Variants in CLCC1 observed in about 807,000 individuals in gnomAD.
CLCC1 encodes the protein chloride channel CLIC like 1, also known as chloride channel CLIC-like protein 1.
In CLCC1, 39 loss-of-function variants were observed where a neutral mutation model predicts 63.3. That is an observed-to-expected ratio of 0.62 (90% CI 0.48 to 0.81). The LOEUF (loss-of-function observed/expected upper bound fraction) is 0.81. Ranked by LOEUF, CLCC1 falls within the 30% of genes least tolerant of loss-of-function variation. CLCC1 has a pLI of 0.00. For synonymous variants in CLCC1, 217 were observed against 239.8 expected, an observed-to-expected ratio of 0.90 and a Z score of 0.88; for missense variants, 549 against 669.4, an observed-to-expected ratio of 0.82 and a Z score of 1.98.
In CLCC1 at chr1:108,931,359, A is replaced by C. The variant is rs1651931194; in HGVS notation, c.*1188T>G. 1.3e-6 allele frequency: 2 copies of C among 1,550,602 alleles called. No individual in the cohort carries two copies. Among genetic ancestry groups the C allele is most frequent in the African/African-American group, 1.4e-5 (1 of 72,768 alleles). On this transcript the variant is annotated 3_prime_UTR_variant, in exon 13 of 13. Transcript: ENST00000369969. The stretch of plus-strand genomic sequence containing the variant: ...GGGATGATAACAAAGTAACTAACTA[A>C]CTGTAGCAAAAGACAAGTATGGGAC...
chr1:108,950,173 T>C (rs945003665), intron 3 of CLCC1, 136 bp downstream of exon 3: 6 of 905,500 alleles, frequency 6.6e-6, no homozygotes, highest in African/African-American at 5.2e-5. Flanking sequence ...AGATTAACAG[T>C]GTCAAGAAAA....
chr1:108,958,064 C>T (rs569049496), intron 2 of CLCC1, among the ~76,000 whole-genome samples: 9 of 151,288 alleles, frequency 5.9e-5, no homozygotes, highest in South Asian at 4.1e-4. Context: ...TGTTGAATGC[C>T]GCTAAGAGGT....
At chr1:108,947,007 T>C (rs962040886) in intron 5 of CLCC1, among the ~76,000 whole-genome samples, 1 of 151,796 alleles carries the variant, frequency 6.6e-6, no homozygotes, top group Non-Finnish European at 1.5e-5. Context: ...CTACTAAAAA[T>C]ACAAAAATTA....
At chr1:108,955,742 T>A (rs1655802197) in intron 2 of CLCC1, among the ~76,000 whole-genome samples, 1 of 151,326 alleles carries the variant, frequency 6.6e-6, no homozygotes, top group South Asian at 2.1e-4. Flanking sequence ...GAAAAGGAAT[T>A]TCTTTTCTCT....
In CLCC1 at chr1:108,958,653, C is replaced by T. The variant is rs915372587; in HGVS notation, c.-12+3656G>A. Among the ~76,000 whole-genome samples the T allele has an allele frequency of 3.3e-4, 47 of 144,328 alleles. 1 individual carries two copies. Among genetic ancestry groups the T allele is most frequent in the Non-Finnish European group, 5.9e-4 (39 of 66,310 alleles). The allele number at this position is 144,328 out of a possible 152,430, so 94.7% of individuals were successfully genotyped here. On this transcript the variant is annotated intron_variant, in intron 2 of 12. Transcript: ENST00000369969. ...CCAGCACTTTGGGAGGCCCAGCAGG[C>T]GGATCACTTGAGCCCAGGAGTTCAA... is the stretch of plus-strand genomic sequence containing the variant.
At chr1:108,957,736 T>A (rs977588677) in intron 2 of CLCC1, among the ~76,000 whole-genome samples, 3 of 151,416 alleles carry the variant, frequency 2.0e-5, no homozygotes, top group Admixed American at 2.0e-4. Flanking sequence ...TTTGTTTGGA[T>A]ATAGTAAATC....
Position 108,934,636 on chromosome 1 carries a change from G to A in CLCC1, c.*34C>T. 1 of 1,597,940 alleles carries A rather than the reference G, an allele frequency of 6.3e-7. No homozygotes were observed. The highest frequency in any genetic ancestry group is 8.5e-7 in the Non-Finnish European group (1 of 1,170,922). Reference sequence around the variant, plus strand: ...AGAGTATACTTTACAAAGCTCGAAGGAGACTTGAGGCTGTCGTTTGTGCTG... The same window carrying A: ...AGAGTATACTTTACAAAGCTCGAAGAAGACTTGAGGCTGTCGTTTGTGCTG... On this transcript the variant is annotated 3_prime_UTR_variant, in exon 12 of 13. Coordinates refer to ENST00000369969, the MANE Select transcript of CLCC1 (RefSeq NM_001377458.1).
chr1:108,941,433 T>G lies in CLCC1; in HGVS notation c.768A>C (p.Lys256Asn). ...KMEPLNNVCA[K>N]KMDWTGSIWE... ...AGATACTTCCAGTCCAGTCCATCTT[T>G]TTGGCACACACATTGTTTAATGGCT... is the stretch of plus-strand genomic sequence containing the variant. Residue 256 changes from lysine (K) to asparagine (N), a missense_variant, in exon 8 of 13, where the codon AAA becomes AAC. Transcript: ENST00000369969. The G allele has an allele frequency of 3.7e-6, 6 of 1,614,204 alleles. No individual in the cohort carries two copies. Among genetic ancestry groups the G allele is most frequent in the Non-Finnish European group, 5.1e-6 (6 of 1,180,028 alleles).
chr1:108,955,403 T>C (rs1655756890), intron 2 of CLCC1, among the ~76,000 whole-genome samples: 1 of 151,396 alleles, frequency 6.6e-6, no homozygotes, highest in East Asian at 1.9e-4. Flanking sequence ...CACGGAAAGA[T>C]GGAGTGTATT....
chr1:108,951,081 C>A (rs1189634686), intron 2 of CLCC1, among the ~76,000 whole-genome samples: 1 of 152,120 alleles, frequency 6.6e-6, no homozygotes, highest in African/African-American at 2.4e-5. Context: ...CCACATTTTT[C>A]GTAATAGCCA....
At chr1:108,935,012 A>G in intron 11 of CLCC1, 70 bp from the exon 12 acceptor site, 1 of 1,463,978 alleles carries the variant, frequency 6.8e-7, no homozygotes, top group Non-Finnish European at 9.2e-7. Flanking sequence ...ACATATCTAA[A>G]AAGTTCCCAC....
chr1:108,960,074 C>CT (rs1369827693), intron 2 of CLCC1, among the ~76,000 whole-genome samples: 1 of 152,058 alleles, frequency 6.6e-6, no homozygotes, highest in Non-Finnish European at 1.5e-5. Context: ...GTTGAAGCTG[C>CT]ACTGAGCCGA....
intron 4 of CLCC1, 71 bp from the exon 5 acceptor site, chr1:108,947,789 G>T: frequency 9.9e-7 from 1 of 1,014,246 alleles, no homozygotes; most frequent in Non-Finnish European, 1.5e-6. Flanking sequence ...TTCTAGCCTA[G>T]TGCTGTCATC....
At chr1:108,943,673 AACTGG>A in intron 6 of CLCC1, 58 bp from the exon 7 acceptor site, 1 of 1,597,384 alleles carries the variant, frequency 6.3e-7, no homozygotes, top group Non-Finnish European at 8.5e-7. Flanking sequence ...AGCTAAAAAG[AACTGG>A]ACTCAAAAGC....
intron 4 of CLCC1, among the ~76,000 whole-genome samples, chr1:108,948,895 G>A (rs866061229): frequency 1.3e-5 from 2 of 151,734 alleles, no homozygotes; most frequent in Non-Finnish European, 2.9e-5. Context: ...TTATCCAAGC[G>A]CACCTTCTCA....
chr1:108,929,868 G>GC lies in CLCC1; in HGVS notation c.*2678dup. On this transcript the variant is annotated 3_prime_UTR_variant, in exon 13 of 13. Transcript: ENST00000369969. ...ATCAAAACAGAGACACTGACTTTGG[G>GC]CTAAAGGACTTTTTGCAAAATAATG... 3.7e-6 allele frequency: 6 copies of GC among 1,613,838 alleles called. No homozygotes were observed. Among genetic ancestry groups the GC allele is most frequent in the Non-Finnish European group, 5.1e-6 (6 of 1,179,758 alleles).
In CLCC1 at chr1:108,943,693, A is replaced by T. The variant is rs1170743030; in HGVS notation, c.562-78T>A. Reference sequence around the variant, plus strand: ...AAAAGAACTGGACTCAAAAGCACAAAATCATTTCTACAATTTTGTGGCTTG... The same window carrying T: ...AAAAGAACTGGACTCAAAAGCACAATATCATTTCTACAATTTTGTGGCTTG... On this transcript the variant is annotated intron_variant, in intron 6 of 12. Coordinates refer to ENST00000369969, the MANE Select transcript of CLCC1 (RefSeq NM_001377458.1). The T allele has an allele frequency of 9.6e-6, 15 of 1,566,242 alleles. No homozygotes were observed. The Admixed American group carries it at 2.3e-4, about 24-fold the overall frequency.
At chr1:108,933,811 A>G (rs1557889147) in intron 12 of CLCC1, 1 of 152,198 alleles carries the variant, frequency 6.6e-6, no homozygotes, top group Non-Finnish European at 1.5e-5. Flanking sequence ...CTTCCTCATC[A>G]TGGTATTCTC....
rs181898260 is a variant in CLCC1, at chr1:108,941,203, T to C, written c.796+202A>G. Among the ~76,000 whole-genome samples, 188 of 152,320 alleles carry C rather than the reference T, an allele frequency of 1.2e-3. 2 individuals are homozygous for C. Among genetic ancestry groups the C allele is most frequent in the African/African-American group, 4.4e-3 (184 of 41,578 alleles). On this transcript the variant is annotated intron_variant, in intron 8 of 12. Transcript: ENST00000369969. ...CAGATAATATCAGAGCCAACATATATACAACTTCTATTCCTTCCCTGTGAC... is the reference window on the plus strand; with the variant it reads ...CAGATAATATCAGAGCCAACATATACACAACTTCTATTCCTTCCCTGTGAC...
Sources: allele counts gnomAD v4.1 joint callset (sites outside exome capture counted in the v4.1 genomes callset), GRCh38; gene constraint gnomAD v4.1.1; transcripts MANE v1.5; gene names NCBI Gene and HGNC (gene_info 2026-07-23, HGNC 2026-07-21).